The following ARHGEF18 variants were observed in gnomAD, a reference collection of about 807,000 sequenced individuals.
ARHGEF18 encodes the protein rho guanine nucleotide exchange factor 18.
In ARHGEF18, 93 loss-of-function variants were observed where a neutral mutation model predicts 155.7. That is an observed-to-expected ratio of 0.60 (90% CI 0.50 to 0.71). The LOEUF is 0.71. Among genes scored for constraint, ARHGEF18 ranks in the 30% least tolerant of loss-of-function variants. ARHGEF18 has a pLI of 0.00. For missense variants in ARHGEF18, 1,593 were observed against 1,816.1 expected (o/e 0.88, Z 2.23); for synonymous variants, 742 against 753.1 (o/e 0.99, Z 0.24).
At chr19:7,382,924 C>T in intron 9 of ARHGEF18, 30 bp downstream of exon 9, 1 of 1,232,484 alleles carries the variant, frequency 8.1e-7, no homozygotes, top group South Asian at 4.1e-5. Flanking sequence ...GGGGGCCCTC[C>T]TCTGCCTTCC....
chr19:7,368,782 A>G (rs1316714471), intron 2 of ARHGEF18, among the ~76,000 whole-genome samples: 1 of 152,138 alleles, frequency 6.6e-6, no homozygotes, highest in African/African-American at 2.4e-5. Context: ...GTAGGAATGG[A>G]GCCATTTGGG....
chr19:7,464,451 C>A (rs1976489215), intron 22 of ARHGEF18, 109 bp from the exon 23 acceptor site: 16 of 1,389,774 alleles, frequency 1.2e-5, no homozygotes, highest in South Asian at 4.2e-5. Context: ...CGCCACCATT[C>A]GGGCCTAGCC....
intron 10 of ARHGEF18, among the ~76,000 whole-genome samples, chr19:7,416,341 G>A (rs1210038750): frequency 6.6e-6 from 1 of 152,052 alleles, no homozygotes; most frequent in Admixed American, 6.6e-5. Context: ...TTGAGCCCAG[G>A]AGTTCGAGGC....
At chr19:7,453,828 A>G in intron 17 of ARHGEF18, 113 bp downstream of exon 17, 2 of 1,360,978 alleles carry the variant, frequency 1.5e-6, no homozygotes, top group East Asian at 2.5e-5. Flanking sequence ...ATCAGTGGGT[A>G]CCATCTTGGA....
At chr19:7,466,839 G>GGAAGAAGAAA (rs2145907867) in intron 23 of ARHGEF18, 79 bp from the exon 24 acceptor site, 12 of 623,174 alleles carry the variant, frequency 1.9e-5, no homozygotes, top group South Asian at 4.9e-5. Flanking sequence ...TAAAAAAAAA[G>GGAAGAAGAAA]AAGAAGAAGA....
Position 7,442,124 on chromosome 19 carries a change from C to CCCTCCCTT in ARHGEF18, c.1360+75_1360+76insCCCTTCCT, listed in dbSNP as rs1204733378. On this transcript the variant is annotated intron_variant, in intron 13 of 28. Transcript: ENST00000668164. ...TTCTCTGCTCCCTCCCTTCCTCCCT[C>CCCTCCCTT]CCTTCCTTCCTTCCTTCCTTCCTTC... is the stretch of plus-strand genomic sequence containing the variant. 5.0e-5 allele frequency: 56 copies of CCCTCCCTT among 1,129,832 alleles called. 1 individual carries two copies. Among genetic ancestry groups the CCCTCCCTT allele is most frequent in the South Asian group, 3.2e-4 (22 of 69,590 alleles). 70.0% of individuals were successfully genotyped at this position (1,129,832 alleles called of 1,614,324 possible).
chr19:7,387,395 G>A (rs1291760441), intron 10 of ARHGEF18, among the ~76,000 whole-genome samples: 3 of 151,966 alleles, frequency 2.0e-5, no homozygotes, highest in Non-Finnish European at 4.4e-5. Flanking sequence ...CTCGTGATCT[G>A]CCCGTCTCGG....
intron 2 of ARHGEF18, among the ~76,000 whole-genome samples, chr19:7,370,557 C>T (rs8102486): frequency 3.3e-5 from 5 of 151,766 alleles, no homozygotes; most frequent in Admixed American, 6.6e-5. Flanking sequence ...CATATGATCC[C>T]GCAATTCCAC....
intron 10 of ARHGEF18, among the ~76,000 whole-genome samples, chr19:7,437,337 G>A (rs62109762): frequency 0.4 from 60,072 of 149,994 alleles, 12,677 homozygotes; most frequent in East Asian, 0.59. Flanking sequence ...CAGGAGAATC[G>A]CTTGAACCTG....
chr19:7,421,196 C>T (rs2145676605), intron 10 of ARHGEF18, among the ~76,000 whole-genome samples: 1 of 152,228 alleles, frequency 6.6e-6, no homozygotes, highest in Middle Eastern at 3.4e-3. Flanking sequence ...CCTCCAAATG[C>T]CGTTCCTCAG....
chr19:7,362,353 G>GAGAAGA (rs1555698252), intron 1 of ARHGEF18, among the ~76,000 whole-genome samples: 1 of 142,796 alleles, frequency 7.0e-6, no homozygotes, highest in African/African-American at 2.9e-5. Context: ...AGAGGAGGAG[G>GAGAAGA]AGGAAAAACA....
rs573263658 is a variant in ARHGEF18 at position 7,424,402 on chromosome 19, A to G, written c.968-15942A>G. 4.6e-5 allele frequency among the ~76,000 whole-genome samples: 7 copies of G among 152,262 alleles called. No homozygotes were observed. The South Asian group carries it at 1.2e-3, about 27-fold the overall frequency. ...AGTCCTTGGGAAAAGCAATTTGGTAATGCAAGTCTAAACATCAGAAAGGAT... is the reference window on the plus strand; with the variant it reads ...AGTCCTTGGGAAAAGCAATTTGGTAGTGCAAGTCTAAACATCAGAAAGGAT... On this transcript the variant is annotated intron_variant, in intron 10 of 28. Coordinates refer to ENST00000668164, the MANE Select transcript of ARHGEF18 (RefSeq NM_001367823.1).
chr19:7,453,522 C>T lies in ARHGEF18; in HGVS notation c.1911C>T (p.Ile637=), dbSNP rs1396405837. Residue 637 remains isoleucine, a synonymous_variant, in exon 17 of 29, where the codon ATC becomes ATT. Transcript: ENST00000668164. The part of the protein sequence containing the change: ...LTQALNLIKD[I]ISQVDAKVSE... ...AGGCCTTGAACCTCATCAAAGATAT[C>T]ATCTCACAAGTGGACGCCAAGGTCA... The T allele has an allele frequency of 6.2e-7, 1 of 1,613,860 alleles. No homozygotes were observed. The highest frequency in any genetic ancestry group is 1.1e-5 in the South Asian group (1 of 91,044).
intron 1 of ARHGEF18, among the ~76,000 whole-genome samples, chr19:7,355,906 G>A (rs1969282317): frequency 6.6e-6 from 1 of 152,186 alleles, no homozygotes; most frequent in South Asian, 2.1e-4. Flanking sequence ...CAGAGGAAAT[G>A]TCTCCCAAGA....
At position 7,371,638 on chromosome 19, in the gene ARHGEF18, T is replaced by C. The variant is rs1970209106; in HGVS notation, c.16-1174T>C. ...GAGTTCGAGACCAACCCGGCCAACA[T>C]TGTGAAACACCATCTCCACTAAAAA... On this transcript the variant is annotated intron_variant, in intron 2 of 28. Transcript: ENST00000668164. 2.0e-5 allele frequency among the ~76,000 whole-genome samples: 3 copies of C among 152,184 alleles called. No homozygotes were observed. The Middle Eastern group carries it at 0.01, about 518-fold the overall frequency.
chr19:7,373,010 C>T lies in ARHGEF18; in HGVS notation c.214C>T (p.Gln72Ter), dbSNP rs981471095. Residue 72 changes from glutamine to a stop codon, truncating the protein, a stop_gained, in exon 3 of 29, where the codon CAA (glutamine) becomes TAA (stop). Coordinates refer to ENST00000668164, the MANE Select transcript of ARHGEF18 (RefSeq NM_001367823.1). LOFTEE classifies it high-confidence loss of function. ...TCTTTTCTCCAGCTTGGCAGGGTCC[C>T]AAGACCTGTCAAGGCGGCGCAGCTG... is the stretch of plus-strand genomic sequence containing the variant. The part of the protein sequence containing the change: ...DSLFSSLAGS[Q>*]DLSRRRSWER... 6.5e-6 allele frequency: 8 copies of T among 1,234,426 alleles called. No homozygotes were observed. The highest frequency in any genetic ancestry group is 8.1e-6 in the Non-Finnish European group (8 of 988,196). 76.5% of individuals were successfully genotyped at this position (1,234,426 alleles called of 1,614,324 possible). A position where few individuals can be genotyped will look rare whatever the true frequency, so the allele number is the denominator to read the frequency against.
chr19:7,418,476 A>G (rs372500682), intron 10 of ARHGEF18, among the ~76,000 whole-genome samples: 15 of 151,560 alleles, frequency 9.9e-5, no homozygotes, highest in East Asian at 9.7e-4. Context: ...ACTGGTCTCA[A>G]ACTCCTGGGC....
At chr19:7,416,124 G>A (rs1972989913) in intron 10 of ARHGEF18, among the ~76,000 whole-genome samples, 2 of 152,186 alleles carry the variant, frequency 1.3e-5, no homozygotes, top group African/African-American at 2.4e-5. Context: ...CTAGCTGGGC[G>A]AGGAGGCTCA....
chr19:7,376,885 G>A, intron 5 of ARHGEF18, 128 bp downstream of exon 5: 1 of 637,498 alleles, frequency 1.6e-6, no homozygotes, highest in East Asian at 3.5e-5. Context: ...CTCCAGATGG[G>A]CCCCAGGGAA....
Sources: gnomAD v4.1 joint callset for allele counts (sites outside exome capture counted in the v4.1 genomes callset) on GRCh38, gnomAD v4.1.1 for gene constraint, MANE v1.5 for transcripts, NCBI Gene and HGNC (gene_info 2026-07-23, HGNC 2026-07-21) for gene names.